Variants in STK38L observed in about 807,000 individuals in gnomAD.
The protein encoded by STK38L is serine/threonine kinase 38 like, also known as serine/threonine-protein kinase 38-like.
Under a neutral mutation model 59.7 loss-of-function variants are expected in STK38L, and 28 were observed. That is an observed-to-expected ratio of 0.47 (90% confidence interval 0.35 to 0.64). The LOEUF (loss-of-function observed/expected upper bound fraction) is 0.64, where lower values mean the gene tolerates loss of function less well. Ranked by LOEUF, STK38L falls within the 30% of genes least tolerant of loss-of-function variation. The pLI is 0.01. For missense variants in STK38L, 314 were observed against 555.8 expected (o/e 0.56, Z 4.37); for synonymous variants, 162 against 176.8 (o/e 0.92, Z 0.66).
At chr12:27,280,901 T>C (rs1229410341) in intron 1 of STK38L, among the ~76,000 whole-genome samples, 2 of 152,204 alleles carry the variant, frequency 1.3e-5, no homozygotes, top group Non-Finnish European at 2.9e-5. Context: ...GCCTTGTCTT[T>C]GTTAGAAGGT....
intron 2 of STK38L, among the ~76,000 whole-genome samples, chr12:27,301,303 T>C (rs1268724931): frequency 6.6e-6 from 1 of 152,152 alleles, no homozygotes; most frequent in Admixed American, 6.5e-5. Flanking sequence ...CTGTCGCCCA[T>C]GCTGGAGTGC....
chr12:27,324,777 A>G lies in STK38L; in HGVS notation c.*2322A>G, dbSNP rs1319891048. 1 of 152,090 alleles carries G rather than the reference A, an allele frequency of 6.6e-6. No individual in the cohort carries two copies. Among genetic ancestry groups the G allele is most frequent in the Non-Finnish European group, 1.5e-5 (1 of 67,958 alleles). 9.4% of individuals were successfully genotyped at this position (152,090 alleles called of 1,614,324 possible). Reference sequence around the variant, plus strand: ...CAATTAAAGACTGTGTCTGCCCTTTAGAAGCTAAGAATTTGATTCATGATG... The same window carrying G: ...CAATTAAAGACTGTGTCTGCCCTTTGGAAGCTAAGAATTTGATTCATGATG... On this transcript the variant is annotated 3_prime_UTR_variant, in exon 14 of 14. Transcript: ENST00000389032.
chr12:27,298,540 T>C (rs1380041207), intron 2 of STK38L: 1 of 152,174 alleles, frequency 6.6e-6, no homozygotes, highest in African/African-American at 2.4e-5. Context: ...TGACATGTTA[T>C]TTTGACTTTA....
intron 1 of STK38L, among the ~76,000 whole-genome samples, chr12:27,286,048 G>A (rs1219337766): frequency 1.3e-5 from 2 of 152,028 alleles, no homozygotes; most frequent in Non-Finnish European, 2.9e-5. Context: ...AGATATGACT[G>A]GAAAACTTCT....
chr12:27,258,605 A>G (rs1239710648), intron 1 of STK38L, among the ~76,000 whole-genome samples: 1 of 151,112 alleles, frequency 6.6e-6, no homozygotes, highest in East Asian at 1.9e-4. Context: ...CTGGGATTAT[A>G]GGCGTGAGCC....
At chr12:27,295,988 A>G (rs1192853402) in intron 1 of STK38L, among the ~76,000 whole-genome samples, 1 of 152,226 alleles carries the variant, frequency 6.6e-6, no homozygotes, top group Non-Finnish European at 1.5e-5. Flanking sequence ...ATAAGGATAG[A>G]AAATATAAAA....
At chr12:27,247,649 A>G (rs973019722) in intron 1 of STK38L, among the ~76,000 whole-genome samples, 3 of 152,080 alleles carry the variant, frequency 2.0e-5, no homozygotes, top group African/African-American at 7.2e-5. Context: ...GCTTAATGGA[A>G]TGTTTGCGTC....
intron 6 of STK38L, among the ~76,000 whole-genome samples, chr12:27,313,996 T>C (rs1026839058): frequency 2.0e-5 from 3 of 152,188 alleles, no homozygotes; most frequent in African/African-American, 2.4e-5. Context: ...TGATTTCACA[T>C]GGTCTCTGCC....
At chr12:27,281,755 C>T (rs1348428325) in intron 1 of STK38L, among the ~76,000 whole-genome samples, 9 of 152,018 alleles carry the variant, frequency 5.9e-5, no homozygotes, top group South Asian at 4.1e-4. Flanking sequence ...TAAATTGAGG[C>T]GAGGCACGGT....
At chr12:27,275,044 A>G (rs557009029) in intron 1 of STK38L, among the ~76,000 whole-genome samples, 1 of 152,288 alleles carries the variant, frequency 6.6e-6, no homozygotes, top group East Asian at 1.9e-4. Context: ...TGTAAATTGG[A>G]CCACATCATA....
intron 3 of STK38L, among the ~76,000 whole-genome samples, chr12:27,306,272 A>G (rs150587250): frequency 0.01 from 1,554 of 152,272 alleles, 11 homozygotes; most frequent in Non-Finnish European, 0.017. Flanking sequence ...GATTTCTGCA[A>G]CTATATCCAA....
chr12:27,278,773 C>G (rs1943590856), intron 1 of STK38L, among the ~76,000 whole-genome samples: 1 of 152,158 alleles, frequency 6.6e-6, no homozygotes, highest in South Asian at 2.1e-4. Context: ...TACTTGTCCC[C>G]TAGCTGACAG....
intron 1 of STK38L, among the ~76,000 whole-genome samples, chr12:27,277,369 A>ACC (rs397939774): frequency 7.0e-6 from 1 of 143,362 alleles, no homozygotes; most frequent in Non-Finnish European, 1.5e-5. Context: ...ACACACACAC[A>ACC]GCAGTAGGAG....
At chr12:27,291,197 T>G (rs968498444) in intron 1 of STK38L, among the ~76,000 whole-genome samples, 1 of 152,202 alleles carries the variant, frequency 6.6e-6, no homozygotes, top group Admixed American at 6.5e-5. Flanking sequence ...TGATTCCCAT[T>G]TATGTTCAGG....
chr12:27,268,952 T>G (rs938258869), intron 1 of STK38L, among the ~76,000 whole-genome samples: 65 of 152,340 alleles, frequency 4.3e-4, no homozygotes, highest in African/African-American at 1.4e-3. Context: ...CTTCGCCCAC[T>G]TTTTGATGGG....
intron 1 of STK38L, among the ~76,000 whole-genome samples, chr12:27,252,430 G>A (rs1942996991): frequency 1.3e-5 from 2 of 152,134 alleles, no homozygotes; most frequent in African/African-American, 4.8e-5. Flanking sequence ...ACTAGTGTCT[G>A]TTTTATTAAA....
Position 27,322,636 on chromosome 12 carries a change from C to T in STK38L, c.*181C>T. The T allele has an allele frequency of 1.5e-6, 1 of 653,582 alleles. No homozygotes were observed. Among genetic ancestry groups the T allele is most frequent in the Non-Finnish European group, 2.3e-6 (1 of 440,806 alleles). 40.5% of individuals were successfully genotyped at this position (653,582 alleles called of 1,614,324 possible). A position where few individuals can be genotyped will look rare whatever the true frequency, so the allele number is the denominator to read the frequency against. On this transcript the variant is annotated 3_prime_UTR_variant, in exon 14 of 14. Coordinates refer to ENST00000389032, the MANE Select transcript of STK38L (RefSeq NM_015000.4). Reference sequence around the variant, plus strand: ...TATAGGAATTGGTTGGCAGTGCCAGCTGGCTCTTTTTTTTAATATTTTATT... The same window carrying T: ...TATAGGAATTGGTTGGCAGTGCCAGTTGGCTCTTTTTTTTAATATTTTATT...
At chr12:27,275,045 C>G (rs1458349595) in intron 1 of STK38L, among the ~76,000 whole-genome samples, 1 of 152,174 alleles carries the variant, frequency 6.6e-6, no homozygotes, top group African/African-American at 2.4e-5. Flanking sequence ...GTAAATTGGA[C>G]CACATCATAC....
In STK38L at chr12:27,259,725, G is replaced by C. The variant is rs191391219; in HGVS notation, c.-12+15393G>C. ...GCCTTTTGTGTATACCAGGCCTTTT[G>C]TAAACTTTCTCTTCCAGACATAAAT... On this transcript the variant is annotated intron_variant, in intron 1 of 13. Transcript: ENST00000389032. 6.6e-5 allele frequency among the ~76,000 whole-genome samples: 10 copies of C among 151,932 alleles called. No individual in the cohort carries two copies. In the East Asian group the frequency reaches 1.7e-3, roughly 26 times the overall value.
Sources: gnomAD v4.1 joint callset for allele counts (sites outside exome capture counted in the v4.1 genomes callset) on GRCh38, gnomAD v4.1.1 for gene constraint, MANE v1.5 for transcripts, NCBI Gene and HGNC (gene_info 2026-07-23, HGNC 2026-07-21) for gene names.